Variants in PLCB4 observed in about 807,000 individuals in gnomAD.
The protein encoded by PLCB4 is 1-phosphatidylinositol 4,5-bisphosphate phosphodiesterase beta-4.
In PLCB4, 77 loss-of-function variants were observed where a neutral mutation model predicts 178.8. The ratio of observed to expected loss-of-function variants is 0.43; its 90% CI spans 0.36 to 0.52. The LOEUF (loss-of-function observed/expected upper bound fraction) is 0.52. Among genes scored for constraint, PLCB4 ranks in the 20% least tolerant of loss-of-function variants. PLCB4 has a pLI of 0.00. For synonymous variants in PLCB4, 496 were observed against 490.8 expected, an observed-to-expected ratio of 1.01 and a Z score of -0.14; for missense variants, 1,024 against 1,453.4, an observed-to-expected ratio of 0.70 and a Z score of 4.80.
chr20:9,460,066 G>T lies in PLCB4; in HGVS notation c.3248+256G>T, dbSNP rs1371027141. Among the ~76,000 whole-genome samples the T allele has an allele frequency of 2.6e-5, 4 of 152,100 alleles. No individual in the cohort carries two copies. In the East Asian group the frequency reaches 7.7e-4, roughly 29 times the overall value. ...AGACAGGAGGATTACTTGAGCCCAG[G>T]ACTTCAAGACATAGCAAGACCCCAT... On this transcript the variant is annotated intron_variant, in intron 35 of 39. Coordinates refer to ENST00000378473, the MANE Select transcript of PLCB4 (RefSeq NM_001377142.1).
chr20:9,213,983 T>C (rs1006250436), intron 2 of PLCB4, among the ~76,000 whole-genome samples: 1 of 152,214 alleles, frequency 6.6e-6, no homozygotes, highest in Non-Finnish European at 1.5e-5. Context: ...AATTGGGTTA[T>C]TTGTCTTTTT....
chr20:9,440,429 T>G (rs1293155413), intron 30 of PLCB4, among the ~76,000 whole-genome samples: 3 of 152,246 alleles, frequency 2.0e-5, no homozygotes, highest in African/African-American at 7.2e-5. Flanking sequence ...CGCATATCCC[T>G]AGCTTAGGAA....
At chr20:9,459,916 C>A in intron 35 of PLCB4, 106 bp downstream of exon 35, 3 of 682,782 alleles carry the variant, frequency 4.4e-6, no homozygotes, top group Middle Eastern at 4.2e-4. Context: ...ATTTGACGTA[C>A]AACATGTAGC....
chr20:9,199,517 GTTTC>G (rs1489010324), intron 2 of PLCB4, among the ~76,000 whole-genome samples: 3 of 152,170 alleles, frequency 2.0e-5, no homozygotes, highest in African/African-American at 7.2e-5. Flanking sequence ...AGCACTGACT[GTTTC>G]TTTCACTCTT....
At chr20:9,087,428 G>GGT (rs2090479951) in intron 1 of PLCB4, among the ~76,000 whole-genome samples, 1 of 103,186 alleles carries the variant, frequency 9.7e-6, no homozygotes, top group Non-Finnish European at 2.3e-5. Context: ...TACTTTGAAT[G>GGT]ATTTTTTTTG....
chr20:9,236,064 C>G (rs967760331), intron 3 of PLCB4, among the ~76,000 whole-genome samples: 2 of 152,150 alleles, frequency 1.3e-5, no homozygotes, highest in African/African-American at 2.4e-5. Context: ...TCCCAATATG[C>G]GGGATCCCCC....
chr20:9,188,221 G>A (rs1208094721), intron 2 of PLCB4, among the ~76,000 whole-genome samples: 1 of 152,210 alleles, frequency 6.6e-6, no homozygotes, highest in Non-Finnish European at 1.5e-5. Flanking sequence ...AGGATGGAAA[G>A]CCAGGGAAAT....
rs527499961 is a variant in PLCB4, at chr20:9,090,773, G to GT, written c.-134-5512dup. Among the ~76,000 whole-genome samples, 13 of 152,172 alleles carry GT rather than the reference G, an allele frequency of 8.5e-5. No homozygotes were observed. The South Asian group carries it at 2.7e-3, about 32-fold the overall frequency. ...TTTCTTCTCCATGAGAATTTATAAA[G>GT]TTGTTAAATTTGGTTTCTTTGGAGT... On this transcript the variant is annotated intron_variant, in intron 1 of 39. Transcript: ENST00000378473.
At chr20:9,202,772 G>A (rs1248004240) in intron 2 of PLCB4, among the ~76,000 whole-genome samples, 2 of 152,068 alleles carry the variant, frequency 1.3e-5, no homozygotes, top group Non-Finnish European at 2.9e-5. Flanking sequence ...AAATAGAAAT[G>A]AATAGGAAAC....
Position 9,365,987 on chromosome 20 carries a change from C to A in PLCB4, c.503+473C>A, listed in dbSNP as rs372120371. On this transcript the variant is annotated intron_variant, in intron 9 of 39. Coordinates refer to ENST00000378473, the MANE Select transcript of PLCB4 (RefSeq NM_001377142.1). ...GTGCTCAGGGCAGATGGGGATACTT[C>A]TCTGGCTTCGTGCTGCCTACTCTCT... 9.3e-4 allele frequency among the ~76,000 whole-genome samples: 142 copies of A among 152,270 alleles called. 1 individual carries two copies. Among genetic ancestry groups the A allele is most frequent in the African/African-American group, 3.3e-3 (138 of 41,548 alleles).
At chr20:9,477,720 C>A (rs1291973381) in intron 39 of PLCB4, among the ~76,000 whole-genome samples, 1 of 152,140 alleles carries the variant, frequency 6.6e-6, no homozygotes, top group Non-Finnish European at 1.5e-5. Context: ...AGATTTAATT[C>A]TTTGGTGTTA....
At chr20:9,173,486 C>T (rs929203439) in intron 2 of PLCB4, among the ~76,000 whole-genome samples, 6 of 152,138 alleles carry the variant, frequency 3.9e-5, no homozygotes, top group Non-Finnish European at 8.8e-5. Flanking sequence ...AACTTAGTGG[C>T]TTAAAGCACA....
intron 2 of PLCB4, among the ~76,000 whole-genome samples, chr20:9,187,201 C>T (rs2093340762): frequency 6.6e-6 from 1 of 151,996 alleles, no homozygotes; most frequent in South Asian, 2.1e-4. Context: ...TCTCAAACTC[C>T]TGACCTCAAG....
intron 1 of PLCB4, among the ~76,000 whole-genome samples, chr20:9,079,831 ATT>A (rs11476173): frequency 2.0e-5 from 3 of 151,216 alleles, no homozygotes; most frequent in African/African-American, 4.9e-5. Context: ...CATTAAAAAA[ATT>A]TTTTTTTTAG....
At chr20:9,142,328 A>G (rs139726696) in intron 2 of PLCB4, among the ~76,000 whole-genome samples, 5 of 152,122 alleles carry the variant, frequency 3.3e-5, no homozygotes, top group Non-Finnish European at 7.4e-5. Flanking sequence ...AATCTGGGAA[A>G]ATTATTTCCA....
At chr20:9,167,579 C>CCATT (rs1171477842) in intron 2 of PLCB4, among the ~76,000 whole-genome samples, 1 of 151,984 alleles carries the variant, frequency 6.6e-6, no homozygotes, top group Non-Finnish European at 1.5e-5. Context: ...AGTTAATGAG[C>CCATT]CATTATGTAA....
chr20:9,303,929 C>T (rs1252347185), intron 3 of PLCB4, among the ~76,000 whole-genome samples: 1 of 151,954 alleles, frequency 6.6e-6, no homozygotes, highest in African/African-American at 2.4e-5. Flanking sequence ...AATTATATCC[C>T]ACTTTTCATT....
chr20:9,337,073 A>G, intron 4 of PLCB4, 53 bp from the exon 5 acceptor site: 1 of 1,144,802 alleles, frequency 8.7e-7, no homozygotes, highest in Non-Finnish European at 1.3e-6. Flanking sequence ...TTTCATTTTT[A>G]TTAGATTCAA....
chr20:9,072,855 C>A (rs530085584), intron 1 of PLCB4, among the ~76,000 whole-genome samples: 1 of 152,198 alleles, frequency 6.6e-6, no homozygotes, highest in Non-Finnish European at 1.5e-5. Context: ...GCATGCACTT[C>A]GTCTACTTTT....
Sources: gnomAD v4.1 joint callset for allele counts (sites outside exome capture counted in the v4.1 genomes callset) on GRCh38, gnomAD v4.1.1 for gene constraint, MANE v1.5 for transcripts, NCBI Gene and HGNC (gene_info 2026-07-23, HGNC 2026-07-21) for gene names.